AZIN2: variants seen among roughly 807,000 people sequenced by gnomAD.
AZIN2 encodes the protein antizyme inhibitor 2.
AZIN2 carries 28 observed loss-of-function variants against 47.8 expected under a neutral mutation model. That is an observed-to-expected ratio of 0.59 (90% CI 0.43 to 0.80). The LOEUF (loss-of-function observed/expected upper bound fraction) is 0.80, where lower values mean the gene tolerates loss of function less well. Among genes scored for constraint, AZIN2 ranks in the 30% least tolerant of loss-of-function variants. The probability of loss-of-function intolerance (pLI) is 0.00; values close to 1 mark genes in which losing one functional copy is unlikely to be tolerated. For missense variants in AZIN2, 535 were observed against 582.5 expected (o/e 0.92, Z 0.84); for synonymous variants, 221 against 239.4 (o/e 0.92, Z 0.71).
At chr1:33,127,633 T>C (rs1644866674), downstream of AZIN2, among the ~76,000 whole-genome samples, 1 of 152,334 alleles carries the variant, frequency 6.6e-6, no homozygotes, top group Middle Eastern at 3.4e-3. Flanking sequence ...TACTTTCGCT[T>C]CTACTTAAAA....
intron 5 of AZIN2, among the ~76,000 whole-genome samples, chr1:33,089,201 C>A (rs1199409210): frequency 6.6e-6 from 1 of 152,136 alleles, no homozygotes; most frequent in Non-Finnish European, 1.5e-5. Flanking sequence ...CTGTTCCCCA[C>A]CTTATAAGAT....
chr1:33,093,129 A>G, intron 6 of AZIN2, 153 bp from the exon 7 acceptor site: 1 of 938,152 alleles, frequency 1.1e-6, no homozygotes, highest in East Asian at 2.6e-5. Flanking sequence ...CAGGACTTGA[A>G]GGTTGATTGG....
the AZIN2 span, among the ~76,000 whole-genome samples, chr1:33,139,753 G>A: frequency 2.6e-5 from 4 of 152,218 alleles, no homozygotes; most frequent in African/African-American, 9.6e-5. Flanking sequence ...TGGGCTGCTG[G>A]TGGGGAGGGC....
At chr1:33,138,413 A>G in the AZIN2 span, among the ~76,000 whole-genome samples, 40 of 152,170 alleles carry the variant, frequency 2.6e-4, no homozygotes, top group African/African-American at 9.7e-4. Flanking sequence ...TGTAATCCCA[A>G]CACTTTAAGA....
the AZIN2 span, among the ~76,000 whole-genome samples, chr1:33,162,473 T>C: frequency 6.6e-6 from 1 of 152,202 alleles, no homozygotes; most frequent in Non-Finnish European, 1.5e-5. Flanking sequence ...TCTCCCTGGC[T>C]AGTAAGTGGG....
the AZIN2 span, among the ~76,000 whole-genome samples, chr1:33,134,163 G>GT: frequency 6.6e-6 from 1 of 152,230 alleles, no homozygotes. Flanking sequence ...GCCCAGCCCC[G>GT]TAAGACACCA....
At chr1:33,147,265 C>T in the AZIN2 span, 1 of 1,614,122 alleles carries the variant, frequency 6.2e-7, no homozygotes, top group Non-Finnish European at 8.5e-7. This position sits in a 1 kb window ranked among gnomAD's most constrained non-coding sequence, Gnocchi z 8.1. Flanking sequence ...GCAGAGCTTG[C>T]CAGGGAACTT....
chr1:33,094,680 T>G lies in AZIN2; in HGVS notation c.720T>G (p.Pro240=). The change falls in exon 8 of 12, where the codon CCT becomes CCG. Residue 240 remains proline (P), a synonymous_variant. Transcript: ENST00000294517. ...MHVLDLGGGF[P]GTEGAKVRFE... is the part of the protein sequence containing the mutation. ...TTCTGGACCTTGGTGGTGGCTTCCC[T>G]GGCACAGAAGGGGCCAAAGTGAGAT... 1.2e-6 allele frequency: 2 copies of G among 1,614,148 alleles called. No homozygotes were observed. Among genetic ancestry groups the G allele is most frequent in the Non-Finnish European group, 1.7e-6 (2 of 1,180,024 alleles).
chr1:33,156,308 T>C, the AZIN2 span, among the ~76,000 whole-genome samples: 1 of 152,216 alleles, frequency 6.6e-6, no homozygotes, highest in African/African-American at 2.4e-5. Flanking sequence ...CCTCCACCTC[T>C]CTTGGACCAG....
chr1:33,151,740 C>T, the AZIN2 span, among the ~76,000 whole-genome samples: 3 of 152,232 alleles, frequency 2.0e-5, no homozygotes, highest in African/African-American at 7.2e-5. Flanking sequence ...ATTTAAGCAT[C>T]TCTGAGACCT....
chr1:33,147,264 G>C, the AZIN2 span: 1 of 1,614,158 alleles, frequency 6.2e-7, no homozygotes, highest in Non-Finnish European at 8.5e-7. This position sits in a 1 kb window ranked among gnomAD's most constrained non-coding sequence, Gnocchi z 8.1. Flanking sequence ...AGCAGAGCTT[G>C]CCAGGGAACT....
chr1:33,115,851 G>A lies in AZIN2; in HGVS notation c.1030-2051G>A, dbSNP rs188829701. The stretch of plus-strand genomic sequence containing the variant: ...TGCTAACTTCTTATAATCCAAGGGT[G>A]CCTTTTCTCTTTACCATGGAAGAAT... On this transcript the variant is annotated intron_variant, in intron 10 of 11. Coordinates refer to ENST00000294517, the MANE Select transcript of AZIN2 (RefSeq NM_052998.4). 1.2e-4 allele frequency among the ~76,000 whole-genome samples: 19 copies of A among 152,296 alleles called. No homozygotes were observed. In the East Asian group the frequency reaches 3.7e-3, roughly 29 times the overall value.
downstream of AZIN2, among the ~76,000 whole-genome samples, chr1:33,124,398 C>G (rs956573327): frequency 7.0e-6 from 1 of 142,818 alleles, no homozygotes; most frequent in African/African-American, 2.5e-5. This position sits in a 1 kb window ranked among gnomAD's most constrained non-coding sequence, Gnocchi z 4.6. Flanking sequence ...AAAGTGTATT[C>G]AAAATAAAAA....
chr1:33,153,927 G>A, the AZIN2 span, among the ~76,000 whole-genome samples: 1 of 152,356 alleles, frequency 6.6e-6, no homozygotes, highest in Non-Finnish European at 1.5e-5. Flanking sequence ...TCTAGTGAGT[G>A]AGACAGCCAC....
At chr1:33,156,613 CCT>C in the AZIN2 span, among the ~76,000 whole-genome samples, 2 of 152,148 alleles carry the variant, frequency 1.3e-5, no homozygotes, top group African/African-American at 4.8e-5. Flanking sequence ...TTAGGGCAGC[CCT>C]CTGTCTTTTC....
At chr1:33,166,254 A>G in the AZIN2 span, 2 of 152,238 alleles carry the variant, frequency 1.3e-5, no homozygotes, top group Non-Finnish European at 2.9e-5. Flanking sequence ...ATTCCATTAT[A>G]TATTACAATG....
At chr1:33,136,661 C>A in the AZIN2 span, among the ~76,000 whole-genome samples, 1 of 151,652 alleles carries the variant, frequency 6.6e-6, no homozygotes, top group Non-Finnish European at 1.5e-5. Flanking sequence ...TGAGCCACTG[C>A]GCCTGGCCCC....
At chr1:33,163,394 C>T in the AZIN2 span, 9 of 152,134 alleles carry the variant, frequency 5.9e-5, no homozygotes, top group African/African-American at 1.7e-4. Flanking sequence ...GTGCCAGACA[C>T]TGTGCTAGGT....
downstream of AZIN2, among the ~76,000 whole-genome samples, chr1:33,123,965 C>G: frequency 6.6e-6 from 1 of 151,774 alleles, no homozygotes; most frequent in East Asian, 1.9e-4. Context: ...CACTACACTC[C>G]AGCCCGGATG....
Sources: gnomAD v4.1 joint callset for allele counts (sites outside exome capture counted in the v4.1 genomes callset) on GRCh38, gnomAD v4.1.1 for gene constraint, Gnocchi (gnomAD v3.1) non-coding constraint, MANE v1.5 for transcripts, NCBI Gene and HGNC (gene_info 2026-07-23, HGNC 2026-07-21) for gene names.